The following PRKCZ variants were observed in gnomAD, a reference collection of about 807,000 sequenced individuals.
The protein encoded by PRKCZ is protein kinase C zeta.
A neutral mutation model predicts 79.5 loss-of-function variants in PRKCZ; 33 were observed. The ratio of observed to expected loss-of-function variants is 0.41; its 90% confidence interval spans 0.31 to 0.55. The LOEUF (loss-of-function observed/expected upper bound fraction) is 0.55. PRKCZ is among the 20% of genes least tolerant of loss of function. The pLI is 0.19. For synonymous variants in PRKCZ, 342 were observed against 320.9 expected (o/e 1.07, Z -0.70); for missense variants, 578 against 813.5 (o/e 0.71, Z 3.52).
At chr1:2,108,743 G>T (rs1023041383) in intron 4 of PRKCZ, among the ~76,000 whole-genome samples, 4 of 152,242 alleles carry the variant, frequency 2.6e-5, no homozygotes, top group African/African-American at 4.8e-5. Flanking sequence ...TGTCCGTCTT[G>T]CCTGGGCAGA....
chr1:2,091,148 C>G (rs1242525631), intron 4 of PRKCZ, among the ~76,000 whole-genome samples: 1 of 152,232 alleles, frequency 6.6e-6, no homozygotes, highest in East Asian at 1.9e-4. Flanking sequence ...GCTCCTGCCT[C>G]AGCTTCCCAA....
At position 2,150,801 on chromosome 1, in the gene PRKCZ, A is replaced by T; in HGVS notation, c.699A>T (p.Pro233=). 1 of 1,613,866 alleles carries T rather than the reference A, an allele frequency of 6.2e-7. No individual in the cohort carries two copies. The highest frequency in any genetic ancestry group is 8.5e-7 in the Non-Finnish European group (1 of 1,179,836). ...SIKDDSEDLK[P]VIDGMDGIKI... ...TTCTCCCTCCCTAGGACCTTAAGCC[A>T]GTTATCGATGGGATGGATGGAATCA... The change falls in exon 9 of 18, where the codon CCA becomes CCT. Residue 233 remains proline, a synonymous_variant. Coordinates refer to ENST00000378567, the MANE Select transcript of PRKCZ (RefSeq NM_002744.6).
At chr1:2,105,387 A>G (rs1224465167) in intron 4 of PRKCZ, among the ~76,000 whole-genome samples, 1 of 152,210 alleles carries the variant, frequency 6.6e-6, no homozygotes, top group Non-Finnish European at 1.5e-5. Flanking sequence ...CATTTGGCCA[A>G]GGGTCACGTT....
At position 2,144,217 on chromosome 1, in the gene PRKCZ, A is replaced by G; in HGVS notation, c.428A>G (p.Tyr143Cys). 1 of 1,552,036 alleles carries G rather than the reference A, an allele frequency of 6.4e-7. No individual in the cohort carries two copies. The highest frequency in any genetic ancestry group is 8.7e-7 in the Non-Finnish European group (1 of 1,147,130). Residue 143 changes from tyrosine (Y) to cysteine (C), a missense_variant, in exon 6 of 18, where the codon TAC becomes TGC. By Grantham distance (194) the Tyr-to-Cys change is radical. Transcript: ENST00000378567. The stretch of plus-strand genomic sequence containing the variant: ...CTCTGTTCCCACCTGCAGAGAGCGT[A>G]CTGCGGTCAGTGCAGCGAGAGGATA... Reference protein sequence around the residue: ...FQAKRFNRRAYCGQCSERIWG... With the variant: ...FQAKRFNRRACCGQCSERIWG...
intron 4 of PRKCZ, among the ~76,000 whole-genome samples, chr1:2,093,117 G>GTTTGACTCTGCTGTGCCAGGGGCC (rs1309467187): frequency 6.6e-6 from 1 of 151,668 alleles, no homozygotes; most frequent in African/African-American, 2.4e-5. Context: ...TCATGCTTGT[G>GTTTGACTCTGCTGTGCCAGGGGCC]AGGACAGAGC....
At chr1:2,104,748 C>T (rs1020519763) in intron 4 of PRKCZ, 3 of 985,590 alleles carry the variant, frequency 3.0e-6, no homozygotes, top group African/African-American at 3.5e-5. Context: ...AGGCAGGACG[C>T]AGCGGGCTGG....
chr1:2,085,671 G>C (rs28720890), intron 4 of PRKCZ, among the ~76,000 whole-genome samples: 1 of 90,296 alleles, frequency 1.1e-5, no homozygotes, highest in Non-Finnish European at 2.4e-5. Context: ...CTCAGAGCCC[G>C]TGAGGCACCG....
Position 2,148,943 on chromosome 1 carries a change from T to C in PRKCZ, c.687+19T>C. The stretch of plus-strand genomic sequence containing the variant: ...CTCGGAGGTGAGTGTGTGGAGCAGC[T>C]CGCTGCCATTTCCGACGTCCTCTGG... On this transcript the variant is annotated intron_variant, in intron 8 of 17. Transcript: ENST00000378567. 2 of 1,612,308 alleles carry C rather than the reference T, an allele frequency of 1.2e-6. No individual in the cohort carries two copies. The highest frequency in any genetic ancestry group is 1.7e-6 in the Non-Finnish European group (2 of 1,178,410).
At chr1:2,081,187 T>C (rs1663440058) in intron 4 of PRKCZ, among the ~76,000 whole-genome samples, 2 of 152,242 alleles carry the variant, frequency 1.3e-5, no homozygotes, top group African/African-American at 4.8e-5. Context: ...CTCCCATTGG[T>C]TATTTAATTA....
intron 4 of PRKCZ, among the ~76,000 whole-genome samples, chr1:2,071,854 G>A (rs138493747): frequency 5.2e-4 from 79 of 152,352 alleles, no homozygotes; most frequent in African/African-American, 1.8e-3. Context: ...TCTGTCCAGG[G>A]CCAGGTAGTT....
chr1:2,173,918 C>T lies in PRKCZ; in HGVS notation c.1307C>T (p.Ala436Val). ...EEYGFSVDWW[A>V]LGVLMFEMMA... ...CCAGGGTTCAGCGTGGACTGGTGGG[C>T]GCTGGGAGTCCTCATGTTTGAGATG... is the stretch of plus-strand genomic sequence containing the variant. Residue 436 changes from alanine (A) to valine (V), a missense_variant, in exon 14 of 18, where the codon GCG becomes GTG. Physicochemically the swap from Ala to Val is moderately conservative, Grantham distance 64 (BLOSUM62 0). Transcript: ENST00000378567. This position sits in a 1 kb window ranked among gnomAD's most constrained non-coding sequence, Gnocchi z 5.7. 6.2e-7 allele frequency: 1 copy of T among 1,612,050 alleles called. No individual in the cohort carries two copies.
chr1:2,159,340 G>T (rs1456024506), intron 10 of PRKCZ, among the ~76,000 whole-genome samples: 1 of 152,272 alleles, frequency 6.6e-6, no homozygotes, highest in East Asian at 1.9e-4. Context: ...GTCACTGGAG[G>T]TGACTGCAGG....
At chr1:2,170,957 G>A (rs1168732535) in intron 11 of PRKCZ, among the ~76,000 whole-genome samples, 1 of 152,238 alleles carries the variant, frequency 6.6e-6, no homozygotes, top group Non-Finnish European at 1.5e-5. Context: ...GTGAACATGG[G>A]TGTGAAGTAA....
At chr1:2,074,156 A>T in intron 4 of PRKCZ, 1 of 1,547,016 alleles carries the variant, frequency 6.5e-7, no homozygotes, top group Non-Finnish European at 8.7e-7. Context: ...ATGTCAGGGG[A>T]AACGCAGTGA....
At chr1:2,099,716 C>T (rs1203369232) in intron 4 of PRKCZ, among the ~76,000 whole-genome samples, 5 of 152,124 alleles carry the variant, frequency 3.3e-5, no homozygotes, top group Non-Finnish European at 7.4e-5. Flanking sequence ...GGTGAGGGCC[C>T]CTCGGGAGCC....
rs1684456286 is a variant in PRKCZ, at chr1:2,171,657, C to G, written c.1062-398C>G. ...TGCTGGGATTACAGGTGTGAGCCAC[C>G]AAGCCTGGCACCGTGTTTAATTTTC... On this transcript the variant is annotated intron_variant, in intron 11 of 17. Coordinates refer to ENST00000378567, the MANE Select transcript of PRKCZ (RefSeq NM_002744.6). 3 of 171,032 alleles carry G rather than the reference C, an allele frequency of 1.8e-5. No individual in the cohort carries two copies. In the Admixed American group the frequency reaches 1.8e-4, roughly 10 times the overall value. The allele number at this position is 171,032 out of a possible 1,614,324, so 10.6% of individuals were successfully genotyped here. A position where few individuals can be genotyped will look rare whatever the true frequency, so the allele number is the denominator to read the frequency against.
chr1:2,174,855 CAA>C lies in PRKCZ; in HGVS notation c.1485+25_1485+26del. The C allele has an allele frequency of 6.2e-7, 1 of 1,609,564 alleles. No individual in the cohort carries two copies. The highest frequency in any genetic ancestry group is 1.7e-4 in the Middle Eastern group (1 of 6,048). ...TAAGGTACGTTTCTGGCCATGCTGA[CAA>C]AATCTCGTTTGTGGCCTCGGTGTTG... On this transcript the variant is annotated intron_variant, in intron 15 of 17. Coordinates refer to ENST00000378567, the MANE Select transcript of PRKCZ (RefSeq NM_002744.6). The surrounding 1 kb of genome is among the most constrained non-coding windows in gnomAD (Gnocchi z 6.2).
chr1:2,082,385 C>G lies in PRKCZ; in HGVS notation c.334+22794C>G. ...CCGGCTGCCGTAGACAGAGTGAAGTCTGGTAGTTTGTGTTTATTTATTTAT... is the reference window on the plus strand; with the variant it reads ...CCGGCTGCCGTAGACAGAGTGAAGTGTGGTAGTTTGTGTTTATTTATTTAT... On this transcript the variant is annotated intron_variant, in intron 4 of 17. Coordinates refer to ENST00000378567, the MANE Select transcript of PRKCZ (RefSeq NM_002744.6). The surrounding 1 kb of genome is among the most constrained non-coding windows in gnomAD (Gnocchi z 4.4). The G allele has an allele frequency of 2.2e-6, 1 of 456,270 alleles. No homozygotes were observed. The highest frequency in any genetic ancestry group is 1.5e-5 in the South Asian group (1 of 64,566). The allele number at this position is 456,270 out of a possible 1,614,324, so 28.3% of individuals were successfully genotyped here.
rs1340179007 is a variant in PRKCZ at position 2,144,536 on chromosome 1, C to T, written c.552+195C>T. 1.7e-5 allele frequency: 24 copies of T among 1,416,514 alleles called. No homozygotes were observed. In the African/African-American group the frequency reaches 2.0e-4, roughly 12 times the overall value. The allele number at this position is 1,416,514 out of a possible 1,614,324, so 87.7% of individuals were successfully genotyped here. On this transcript the variant is annotated intron_variant, in intron 6 of 17. Transcript: ENST00000378567. ...CCATCTTCCTGAGCCCCCACAAGCC[C>T]CCGGCACACTCTGCTCATTGGGGCA...
Sources: gnomAD v4.1 joint callset for allele counts (sites outside exome capture counted in the v4.1 genomes callset) on GRCh38, gnomAD v4.1.1 for gene constraint, Gnocchi (gnomAD v3.1) non-coding constraint, MANE v1.5 for transcripts, NCBI Gene and HGNC (gene_info 2026-07-23, HGNC 2026-07-21) for gene names.